EIF3D: variants seen among roughly 807,000 people sequenced by gnomAD.
EIF3D encodes eIF3 p66.
EIF3D carries 10 observed loss-of-function variants against 75.4 expected under a neutral mutation model. That is an observed-to-expected ratio of 0.13 (90% CI 0.08 to 0.22). EIF3D has a LOEUF of 0.22. Among genes scored for constraint, EIF3D ranks in the 10% least tolerant of loss-of-function variants. EIF3D has a pLI of 1.00. For missense variants in EIF3D, 394 were observed against 708.0 expected, an observed-to-expected ratio of 0.56 and a Z score of 5.03; for synonymous variants, 246 against 248.3, an observed-to-expected ratio of 0.99 and a Z score of 0.09.
chr22:36,511,288 C>A, intron 14 of EIF3D: 1 of 992,126 alleles, frequency 1.0e-6, no homozygotes, highest in Non-Finnish European at 1.4e-6. Flanking sequence ...CACAGTCCAG[C>A]CGCTTCTCTA....
chr22:36,526,055 C>T lies in EIF3D; in HGVS notation c.67G>A (p.Glu23Lys), dbSNP rs141731672. The T allele has an allele frequency of 5.9e-5, 96 of 1,613,530 alleles. No homozygotes were observed. Among genetic ancestry groups the T allele is most frequent in the Non-Finnish European group, 7.3e-5 (86 of 1,179,800 alleles). ...PSGWGPCAVP[E>K]QFRDMPYQPF... Reference sequence around the variant, plus strand: ...TGGTAGGGCATATCCCGAAACTGCTCGGGAACCGCACAGGGACCCCAGCCT... The same window carrying T: ...TGGTAGGGCATATCCCGAAACTGCTTGGGAACCGCACAGGGACCCCAGCCT... Residue 23 changes from glutamate (E) to lysine (K), a missense_variant, in exon 2 of 15, where the codon GAG becomes AAG. Transcript: ENST00000216190.
Position 36,524,052 on chromosome 22 carries a change from G to A in EIF3D, c.307-72C>T, listed in dbSNP as rs12165971. 7.6e-6 allele frequency: 11 copies of A among 1,456,738 alleles called. No individual in the cohort carries two copies. In the African/African-American group the frequency reaches 1.4e-4, roughly 18 times the overall value. The allele number at this position is 1,456,738 out of a possible 1,614,324, so 90.2% of individuals were successfully genotyped here. On this transcript the variant is annotated intron_variant, in intron 4 of 14. Coordinates refer to ENST00000216190, the MANE Select transcript of EIF3D (RefSeq NM_003753.4). ...CTCACAATAGGCAGAACAAGTGGGA[G>A]GTCTTTGGAGTAAATTTAGGATGCC... is the stretch of plus-strand genomic sequence containing the variant.
At position 36,527,654 on chromosome 22, in the gene EIF3D, C is replaced by T. The variant is rs185801508; in HGVS notation, c.-11+1422G>A. Among the ~76,000 whole-genome samples the T allele has an allele frequency of 4.8e-4, 73 of 152,296 alleles. 2 individuals are homozygous for T. The East Asian group carries it at 0.013, about 27-fold the overall frequency. On this transcript the variant is annotated intron_variant, in intron 1 of 14. Transcript: ENST00000216190. ...AGCAGTTCGAGACCAGCCTGGTCAA[C>T]ATGGTGAAACCCAGTCTCTACTAAA...
chr22:36,512,446 C>G lies in EIF3D; in HGVS notation c.1349+14G>C, dbSNP rs771565196. 2.5e-6 allele frequency: 4 copies of G among 1,613,700 alleles called. No individual in the cohort carries two copies. In the Admixed American group the frequency reaches 6.7e-5, roughly 27 times the overall value. On this transcript the variant is annotated intron_variant, in intron 13 of 14. Coordinates refer to ENST00000216190, the MANE Select transcript of EIF3D (RefSeq NM_003753.4). Reference sequence around the variant, plus strand: ...TCACAAGATCAGCTGCCAGCTCCTGCACAGGAATCTCACCCAAGCTTGAGG... The same window carrying G: ...TCACAAGATCAGCTGCCAGCTCCTGGACAGGAATCTCACCCAAGCTTGAGG...
chr22:36,516,964 G>C (rs983182120), intron 10 of EIF3D, 174 bp from the exon 11 acceptor site: 1 of 642,792 alleles, frequency 1.6e-6, no homozygotes, highest in African/African-American at 1.8e-5. Context: ...CCAACTGTTA[G>C]CACCTGATGA....
At chr22:36,521,958 C>A (rs930526085) in intron 6 of EIF3D, among the ~76,000 whole-genome samples, 1 of 151,704 alleles carries the variant, frequency 6.6e-6, no homozygotes, top group Non-Finnish European at 1.5e-5. Context: ...AAAACAAAAA[C>A]CAAAAAAACC....
Position 36,512,453 on chromosome 22 carries a change from A to G in EIF3D, c.1349+7T>C. ...ATCAGCTGCCAGCTCCTGCACAGGA[A>G]TCTCACCCAAGCTTGAGGTACTCAG... On this transcript the variant is annotated splice_region_variant and intron_variant, in intron 13 of 14. Coordinates refer to ENST00000216190, the MANE Select transcript of EIF3D (RefSeq NM_003753.4). 2 of 1,613,970 alleles carry G rather than the reference A, an allele frequency of 1.2e-6. No individual in the cohort carries two copies. Among genetic ancestry groups the G allele is most frequent in the Non-Finnish European group, 1.7e-6 (2 of 1,179,884 alleles).
chr22:36,526,889 A>G (rs12166695), intron 1 of EIF3D: 8,351 of 152,210 alleles, frequency 0.055, 367 homozygotes, highest in African/African-American at 0.12. Context: ...ACGTCCAGCC[A>G]CCTTAGTCTT....
chr22:36,511,952 G>A (rs527263457), intron 13 of EIF3D, among the ~76,000 whole-genome samples, 166 bp from the exon 14 acceptor site: 8 of 150,854 alleles, frequency 5.3e-5, no homozygotes, highest in African/African-American at 2.0e-4. Context: ...GTGCAGTGGC[G>A]CCATCTTGGC....
At chr22:36,517,991 C>T (rs903625461) in intron 9 of EIF3D, among the ~76,000 whole-genome samples, 1 of 152,054 alleles carries the variant, frequency 6.6e-6, no homozygotes, top group African/African-American at 2.4e-5. Flanking sequence ...TCAAGTGATT[C>T]TCCGCCTCGG....
At chr22:36,517,603 G>C in intron 9 of EIF3D, 172 bp from the exon 10 acceptor site, 1 of 594,538 alleles carries the variant, frequency 1.7e-6, no homozygotes, top group South Asian at 2.5e-5. Flanking sequence ...GAGTGGGGCA[G>C]CTGCTCCAGG....
chr22:36,523,507 A>G (rs1017899956), intron 5 of EIF3D, among the ~76,000 whole-genome samples: 3 of 152,198 alleles, frequency 2.0e-5, no homozygotes, highest in Non-Finnish European at 4.4e-5. Context: ...CTTCATCTAT[A>G]GTGACTGTTC....
intron 7 of EIF3D, among the ~76,000 whole-genome samples, chr22:36,520,252 G>A (rs1358990853): frequency 6.6e-6 from 1 of 151,940 alleles, no homozygotes. Flanking sequence ...CACCTCCAGG[G>A]TTTAAGTGAT....
At position 36,525,852 on chromosome 22, in the gene EIF3D, A is replaced by G. The variant is rs543779153; in HGVS notation, c.124-143T>C. 1.4e-5 allele frequency: 20 copies of G among 1,452,748 alleles called. No individual in the cohort carries two copies. In the East Asian group the frequency reaches 4.6e-4, roughly 33 times the overall value. The allele number at this position is 1,452,748 out of a possible 1,614,324, so 90.0% of individuals were successfully genotyped here. A position where few individuals can be genotyped will look rare whatever the true frequency, so the allele number is the denominator to read the frequency against. On this transcript the variant is annotated intron_variant, in intron 2 of 14. Transcript: ENST00000216190. ...ACCTCTGTAAGTGCCCAGCTCTTCTATGACTACACCCAGAGATAACCTTTC... is the reference window on the plus strand; with the variant it reads ...ACCTCTGTAAGTGCCCAGCTCTTCTGTGACTACACCCAGAGATAACCTTTC...
At chr22:36,525,544 G>T in intron 3 of EIF3D, 120 bp downstream of exon 3, 3 of 1,159,554 alleles carry the variant, frequency 2.6e-6, no homozygotes, top group Non-Finnish European at 3.8e-6. Context: ...ATCCCTAAAA[G>T]TTATGAATTA....
intron 12 of EIF3D, among the ~76,000 whole-genome samples, chr22:36,515,047 G>C (rs971032702): frequency 1.3e-5 from 2 of 152,140 alleles, no homozygotes; most frequent in Non-Finnish European, 2.9e-5. Flanking sequence ...TGCCACCATT[G>C]CAAGTTTCCT....
At chr22:36,514,831 C>T (rs1171440448) in intron 12 of EIF3D, among the ~76,000 whole-genome samples, 2 of 152,166 alleles carry the variant, frequency 1.3e-5, no homozygotes, top group Admixed American at 6.5e-5. Flanking sequence ...TGTGGCCCCA[C>T]CCAAACTGCA....
intron 14 of EIF3D, chr22:36,511,228 T>C: frequency 1.2e-6 from 1 of 804,756 alleles, no homozygotes; most frequent in Non-Finnish European, 1.9e-6. Flanking sequence ...CTTTTCCCTC[T>C]AGACCACCGG....
rs1934466849 is a variant in EIF3D, at chr22:36,518,746, C to T, written c.859+17G>A. On this transcript the variant is annotated intron_variant, in intron 9 of 14. Coordinates refer to ENST00000216190, the MANE Select transcript of EIF3D (RefSeq NM_003753.4). ...ATACTCAATGCCTTTGAGTTGCTCC[C>T]CAGGCACGCTTCTTACCAAAGTCAG... 6.2e-7 allele frequency: 1 copy of T among 1,613,472 alleles called. No homozygotes were observed. The highest frequency in any genetic ancestry group is 1.3e-5 in the African/African-American group (1 of 74,924).
Sources: gnomAD v4.1 joint callset for allele counts (sites outside exome capture counted in the v4.1 genomes callset) on GRCh38, gnomAD v4.1.1 for gene constraint, MANE v1.5 for transcripts, NCBI Gene and HGNC (gene_info 2026-07-23, HGNC 2026-07-21) for gene names.